S100A8: variants seen among roughly 807,000 people sequenced by gnomAD.
S100A8 encodes S100 calcium binding protein A8.
Under a neutral mutation model 4.2 loss-of-function variants are expected in S100A8, and 1 was observed. The ratio of observed to expected loss-of-function variants is 0.24; its 90% CI spans 0.08 to 1.12. S100A8 has a LOEUF of 1.12. Among genes scored for constraint, S100A8 ranks in the 50% most tolerant of loss-of-function variants. The probability of loss-of-function intolerance (pLI) is 0.53; values close to 1 mark genes in which losing one functional copy is unlikely to be tolerated. For synonymous variants in S100A8, 41 were observed against 44.7 expected (o/e 0.92, Z 0.33); for missense variants, 96 against 111.8 (o/e 0.86, Z 0.64).
At chr1:153,419,394 T>G in the S100A8 span, 1 of 1,426,134 alleles carries the variant, frequency 7.0e-7, no homozygotes, top group Admixed American at 2.3e-5. Context: ...TCTTCTTCTC[T>G]TTGGTGACCT....
At chr1:153,405,869 G>A in the S100A8 span, among the ~76,000 whole-genome samples, 1 of 152,062 alleles carries the variant, frequency 6.6e-6, no homozygotes, top group Admixed American at 6.5e-5. Flanking sequence ...CTCCAGTGTG[G>A]ATGGCTCACA....
chr1:153,415,745 C>CT, the S100A8 span, among the ~76,000 whole-genome samples: 1 of 151,934 alleles, frequency 6.6e-6, no homozygotes, highest in Admixed American at 6.6e-5. Context: ...ACCACTCAAC[C>CT]TAGATAGTGA....
chr1:153,408,126 T>C, the S100A8 span, among the ~76,000 whole-genome samples: 3 of 152,188 alleles, frequency 2.0e-5, no homozygotes, highest in African/African-American at 7.2e-5. Flanking sequence ...AGAATGACTT[T>C]GACGAGTTGA....
chr1:153,406,197 C>T, the S100A8 span, among the ~76,000 whole-genome samples: 1 of 152,202 alleles, frequency 6.6e-6, no homozygotes, highest in Non-Finnish European at 1.5e-5. Flanking sequence ...TTTTTGAAGA[C>T]ACCTGCCTCA....
At chr1:153,407,023 C>T in the S100A8 span, among the ~76,000 whole-genome samples, 2 of 152,246 alleles carry the variant, frequency 1.3e-5, no homozygotes, top group African/African-American at 4.8e-5. Flanking sequence ...ATAGGAACAG[C>T]TCCAGTCTAC....
chr1:153,404,357 A>C, the S100A8 span, among the ~76,000 whole-genome samples: 2 of 152,158 alleles, frequency 1.3e-5, no homozygotes, highest in Non-Finnish European at 2.9e-5. Flanking sequence ...CCAGCCCTCT[A>C]ATCACATGGT....
At chr1:153,409,427 A>G in the S100A8 span, among the ~76,000 whole-genome samples, 108 of 152,358 alleles carry the variant, frequency 7.1e-4, no homozygotes, top group Middle Eastern at 6.8e-3. Flanking sequence ...AGAAGAGCTA[A>G]CTATCCTAAA....
chr1:153,392,205 G>A (rs775995670), upstream of S100A8, among the ~76,000 whole-genome samples: 5 of 152,194 alleles, frequency 3.3e-5, no homozygotes, highest in South Asian at 2.1e-4. Flanking sequence ...ACACTTCTCC[G>A]AAGAAGATAT....
upstream of S100A8, among the ~76,000 whole-genome samples, chr1:153,393,736 A>G (rs1301889152): frequency 6.6e-6 from 1 of 152,230 alleles, no homozygotes; most frequent in Non-Finnish European, 1.5e-5. Flanking sequence ...CCTGCCTCAA[A>G]GCACCATATC....
At chr1:153,403,281 C>T in the S100A8 span, among the ~76,000 whole-genome samples, 8 of 152,134 alleles carry the variant, frequency 5.3e-5, no homozygotes, top group Non-Finnish European at 1.0e-4. Context: ...AGGAAGGGGT[C>T]CAGCTTCATT....
chr1:153,391,274 G>A (rs917252321), upstream of S100A8: 2 of 885,406 alleles, frequency 2.3e-6, no homozygotes, highest in Non-Finnish European at 2.7e-6. Context: ...GCATTTGCTG[G>A]GCAATAGTGC....
the S100A8 span, among the ~76,000 whole-genome samples, chr1:153,415,604 G>T: frequency 1.3e-5 from 2 of 151,888 alleles, no homozygotes; most frequent in African/African-American, 4.8e-5. Context: ...TCCTACACAG[G>T]CTGTTTTGCA....
chr1:153,404,894 A>G, the S100A8 span, among the ~76,000 whole-genome samples: 1 of 152,092 alleles, frequency 6.6e-6, no homozygotes, highest in Non-Finnish European at 1.5e-5. Context: ...GCCTCCGGCG[A>G]CAACCAGGGC....
chr1:153,407,389 T>G, the S100A8 span, among the ~76,000 whole-genome samples: 1 of 152,176 alleles, frequency 6.6e-6, no homozygotes, highest in Non-Finnish European at 1.5e-5. Flanking sequence ...CAGTGTGATA[T>G]CAAACTGCAC....
chr1:153,400,547 G>A, the S100A8 span, among the ~76,000 whole-genome samples: 7 of 152,328 alleles, frequency 4.6e-5, no homozygotes, highest in South Asian at 1.4e-3. Flanking sequence ...CATCTCTGAA[G>A]GCTGGAGAGA....
chr1:153,390,156 T>A lies in S100A8; in HGVS notation c.229A>T (p.Lys77Ter). 1 of 1,614,152 alleles carries A rather than the reference T, an allele frequency of 6.2e-7. No homozygotes were observed. Among genetic ancestry groups the A allele is most frequent in the South Asian group, 1.1e-5 (1 of 91,082 alleles). The change falls in exon 3 of 3, where the codon AAG becomes TAG. Residue 77 changes from lysine to a stop codon, truncating the protein, a stop_gained. Transcript: ENST00000368733. LOFTEE classifies it high-confidence loss of function. Reference protein sequence around the residue: ...NFQEFLILVIKMGVAAHKKSH... With the variant: ...NFQEFLILVI ...TTTTTGTGGGCTGCCACGCCCATCT[T>A]TATCACCAGAATGAGGAACTCCTGG...
chr1:153,413,280 T>G, the S100A8 span, among the ~76,000 whole-genome samples: 12 of 152,346 alleles, frequency 7.9e-5, no homozygotes, highest in African/African-American at 2.4e-4. Context: ...TAAATTTAAG[T>G]GTGTCCTTCA....
At chr1:153,410,214 A>G in the S100A8 span, among the ~76,000 whole-genome samples, 9 of 152,354 alleles carry the variant, frequency 5.9e-5, no homozygotes, top group Non-Finnish European at 1.3e-4. Flanking sequence ...AAAGATTAAC[A>G]AAATTGATAG....
the S100A8 span, among the ~76,000 whole-genome samples, chr1:153,409,610 C>G: frequency 6.6e-6 from 1 of 152,144 alleles, no homozygotes; most frequent in East Asian, 1.9e-4. Flanking sequence ...CTGCACCAAG[C>G]AGACCTAATA....
Sources: allele counts gnomAD v4.1 joint callset (sites outside exome capture counted in the v4.1 genomes callset), GRCh38; gene constraint gnomAD v4.1.1; transcripts MANE v1.5; gene names NCBI Gene and HGNC (gene_info 2026-07-23, HGNC 2026-07-21).